ATRX: variants seen among roughly 807,000 people sequenced by gnomAD.
ATRX encodes the protein chromatin remodeler ATRX.
In ATRX, 12 loss-of-function variants were observed where a neutral mutation model predicts 172.6. The ratio of observed to expected loss-of-function variants is 0.07; its 90% CI spans 0.04 to 0.11. ATRX has a LOEUF of 0.11. ATRX is among the 10% of genes least tolerant of loss of function. The pLI, the probability that ATRX is intolerant of heterozygous loss-of-function variation, is 1.00. For missense variants in ATRX, 1,368 were observed against 1,767.4 expected (o/e 0.77, Z 4.05); for synonymous variants, 674 against 594.7 (o/e 1.13, Z -1.94).
At chrX:77,731,134 G>A (rs1344363442) in intron 1 of ATRX, among the ~76,000 whole-genome samples, 1 of 104,677 alleles carries the variant, frequency 9.6e-6, no homozygotes, top group Non-Finnish European at 2.0e-5. Context: ...ATAAACCAGA[G>A]ATGAGAATGG....
chrX:77,563,354 T>C (rs1166689531), intron 28 of ATRX, among the ~76,000 whole-genome samples: 8 of 112,628 alleles, frequency 7.1e-5, no homozygotes, highest in African/African-American at 2.6e-4. Flanking sequence ...GCTCTCTCCA[T>C]TTAATTGCTT....
chrX:77,657,373 G>A (rs1390090146), intron 12 of ATRX, among the ~76,000 whole-genome samples: 1 of 110,962 alleles, frequency 9.0e-6, no homozygotes, highest in Admixed American at 9.6e-5. Flanking sequence ...AATTCCAGGA[G>A]AAAACCTCTT....
Position 77,682,639 on chromosome X carries a change from C to G in ATRX, c.2617G>C (p.Glu873Gln), listed in dbSNP as rs967071645. 4.1e-6 allele frequency: 5 copies of G among 1,209,510 alleles called. No individual in the cohort carries two copies. Among genetic ancestry groups the G allele is most frequent in the Middle Eastern group, 2.3e-4 (1 of 4,353 alleles). Residue 873 changes from glutamate to glutamine, a missense_variant, in exon 9 of 35, where the codon GAA (glutamate) becomes CAA (glutamine). By Grantham distance (29) the Glu-to-Gln change is conservative. This residue lies in a region of ATRX where 843 missense variants were observed against 643.1 expected (regional missense o/e 1.31). Transcript: ENST00000373344. ...CTTTCAGCATCATCAGATGATCCTT[C>G]TTGTGAGGTCTTCAAATTTTTGTGC... is the stretch of plus-strand genomic sequence containing the variant. The part of the protein sequence containing the change: ...QGHKNLKTSQ[E>Q]GSSDDAERKQ...
intron 22 of ATRX, among the ~76,000 whole-genome samples, chrX:77,607,451 T>C (rs1218403018): frequency 9.0e-6 from 1 of 111,437 alleles, no homozygotes; most frequent in African/African-American, 3.3e-5. Flanking sequence ...CGGTGGCTCA[T>C]GCCTGTAATC....
Position 77,769,413 on chromosome X carries a change from C to T in ATRX, c.20+16569G>A, listed in dbSNP as rs1227393443. On this transcript the variant is annotated intron_variant, in intron 1 of 34. Coordinates refer to ENST00000373344, the MANE Select transcript of ATRX (RefSeq NM_000489.6). ...AAGCAATTCTCCTGCCTCAGCCTCC[C>T]GAGTACCTGGGATTACAAGTGCATG... Among the ~76,000 whole-genome samples, 10 of 109,466 alleles carry T rather than the reference C, an allele frequency of 9.1e-5. No individual in the cohort carries two copies. The Admixed American group carries it at 9.8e-4, about 11-fold the overall frequency.
intron 10 of ATRX, among the ~76,000 whole-genome samples, chrX:77,667,523 C>G (rs1245953908): frequency 9.1e-6 from 1 of 110,168 alleles, no homozygotes; most frequent in Non-Finnish European, 1.9e-5. Context: ...TTTACAAGTT[C>G]AAAAAAAGTC....
intron 30 of ATRX, among the ~76,000 whole-genome samples, chrX:77,535,365 T>C (rs1298773326): frequency 8.9e-6 from 1 of 112,073 alleles, no homozygotes; most frequent in Non-Finnish European, 1.9e-5. Context: ...ATGACTTAGG[T>C]GGAAGGTAAA....
intron 27 of ATRX, among the ~76,000 whole-genome samples, chrX:77,582,374 T>C (rs2065854240): frequency 9.9e-6 from 1 of 101,401 alleles, no homozygotes; most frequent in South Asian, 4.3e-4. Flanking sequence ...TATTCCAGCC[T>C]AGGCAACAAA....
intron 30 of ATRX, among the ~76,000 whole-genome samples, chrX:77,549,336 G>A (rs2064375083): frequency 8.9e-6 from 1 of 111,977 alleles, no homozygotes; most frequent in Non-Finnish European, 1.9e-5. Context: ...AGTGAACTGA[G>A]ATTGCAGCAC....
chrX:77,706,984 T>A (rs781948247), intron 2 of ATRX, among the ~76,000 whole-genome samples: 1 of 112,313 alleles, frequency 8.9e-6, no homozygotes, highest in East Asian at 2.8e-4. Flanking sequence ...TCCATTGAAA[T>A]ATGAATAGAT....
At chrX:77,729,452 C>T (rs2074204998) in intron 1 of ATRX, among the ~76,000 whole-genome samples, 1 of 111,961 alleles carries the variant, frequency 8.9e-6, no homozygotes, top group African/African-American at 3.2e-5. Flanking sequence ...TGCTTTCATG[C>T]AGGAAAAGTT....
chrX:77,631,726 G>C (rs1449306589), intron 19 of ATRX, among the ~76,000 whole-genome samples: 2 of 111,960 alleles, frequency 1.8e-5, no homozygotes, highest in East Asian at 2.8e-4. Context: ...AAAAAATAAA[G>C]ATTGAGAAAC....
intron 1 of ATRX, among the ~76,000 whole-genome samples, chrX:77,741,047 C>CAG (rs2074844530): frequency 9.2e-6 from 1 of 108,618 alleles, no homozygotes; most frequent in Admixed American, 1.0e-4. Flanking sequence ...TACACACACA[C>CAG]ACACACACAC....
chrX:77,746,051 G>A (rs1192128056), intron 1 of ATRX, among the ~76,000 whole-genome samples: 9 of 111,598 alleles, frequency 8.1e-5, no homozygotes, highest in African/African-American at 1.3e-4. Context: ...TACACTGTTG[G>A]TGGGAATAAC....
intron 28 of ATRX, among the ~76,000 whole-genome samples, chrX:77,564,684 T>A (rs1342112916): frequency 9.2e-6 from 1 of 108,952 alleles, no homozygotes; most frequent in Non-Finnish European, 1.9e-5. Context: ...CGAGCCCAGC[T>A]GTTACAGACT....
At chrX:77,743,997 C>A (rs1161802696) in intron 1 of ATRX, among the ~76,000 whole-genome samples, 2 of 112,503 alleles carry the variant, frequency 1.8e-5, no homozygotes, top group Non-Finnish European at 3.8e-5. Context: ...ACCACAGACA[C>A]CATTAATGCT....
At chrX:77,755,820 G>A (rs1041491411) in intron 1 of ATRX, among the ~76,000 whole-genome samples, 3 of 111,957 alleles carry the variant, frequency 2.7e-5, no homozygotes, top group Non-Finnish European at 3.8e-5. Context: ...TCAGGGACCC[G>A]CTTGAGGAGG....
Position 77,682,651 on chromosome X carries a change from T to G in ATRX, c.2605A>C (p.Lys869Gln). The G allele has an allele frequency of 9.9e-6, 12 of 1,209,847 alleles. No individual in the cohort carries two copies. Among genetic ancestry groups the G allele is most frequent in the Non-Finnish European group, 1.2e-5 (11 of 895,417 alleles). ...GMDNQGHKNL[K>Q]TSQEGSSDDA... ...TCAGATGATCCTTCTTGTGAGGTCT[T>G]CAAATTTTTGTGCCCTTGATTATCC... The change falls in exon 9 of 35, where the codon AAG (lysine) becomes CAG (glutamine). Residue 869 changes from lysine to glutamine, a missense_variant. By Grantham distance (53) the Lys-to-Gln change is moderately conservative. Coordinates refer to ENST00000373344, the MANE Select transcript of ATRX (RefSeq NM_000489.6).
At chrX:77,777,278 G>A (rs1557202928) in intron 1 of ATRX, among the ~76,000 whole-genome samples, 1 of 106,523 alleles carries the variant, frequency 9.4e-6, no homozygotes, top group Non-Finnish European at 1.9e-5. Flanking sequence ...CTACTCGTGA[G>A]GCTGAGGCAT....
Sources: allele counts gnomAD v4.1 joint callset (sites outside exome capture counted in the v4.1 genomes callset), GRCh38; gene constraint gnomAD v4.1.1; regional missense constraint gnomAD v4.1.1; transcripts MANE v1.5; gene names NCBI Gene and HGNC (gene_info 2026-07-23, HGNC 2026-07-21).